Variants in DDX31 observed in about 807,000 individuals in gnomAD.
The protein encoded by DDX31 is DEAD-box helicase 31.
In DDX31, 70 loss-of-function variants were observed where a neutral mutation model predicts 91.3. The observed-to-expected ratio is 0.77, with a 90% CI of 0.63 to 0.94. The LOEUF is 0.94. DDX31 is among the 40% of genes least tolerant of loss of function. The pLI, the probability that DDX31 is intolerant of heterozygous loss-of-function variation, is 0.00. For missense variants in DDX31, 902 were observed against 925.0 expected (o/e 0.98, Z 0.32); for synonymous variants, 362 against 350.6 (o/e 1.03, Z -0.36).
chr9:132,602,331 ACT>A (rs763131853), intron 19 of DDX31, among the ~76,000 whole-genome samples: 13 of 152,146 alleles, frequency 8.5e-5, no homozygotes, highest in East Asian at 1.9e-4. Flanking sequence ...CTCAGGGAAG[ACT>A]CTATGTAGTT....
At chr9:132,647,155 G>A in intron 11 of DDX31, 97 bp from the exon 12 acceptor site, 1 of 1,097,744 alleles carries the variant, frequency 9.1e-7, no homozygotes, top group Non-Finnish European at 1.3e-6. Context: ...ATGTATGTTA[G>A]GACTACGTAT....
At chr9:132,630,207 C>A in intron 16 of DDX31, 57 bp downstream of exon 16, 1 of 1,497,704 alleles carries the variant, frequency 6.7e-7, no homozygotes, top group East Asian at 2.3e-5. Context: ...CTGTAAAAAG[C>A]GACAGAAAGT....
intron 9 of DDX31, 31 bp downstream of exon 9, chr9:132,650,203 A>C (rs748021310): frequency 1.2e-6 from 2 of 1,608,090 alleles, no homozygotes; most frequent in Non-Finnish European, 8.5e-7. Flanking sequence ...ACATTCAAGA[A>C]GGAAACAACA....
rs760739610 is a variant in DDX31 at position 132,646,854 on chromosome 9, C to A, written c.1172G>T (p.Cys391Phe). 6.2e-7 allele frequency: 1 copy of A among 1,614,110 alleles called. No homozygotes were observed. Among genetic ancestry groups the A allele is most frequent in the South Asian group, 1.1e-5 (1 of 91,080 alleles). The change falls in exon 12 of 20, where the codon TGC becomes TTC. Residue 391 changes from cysteine to phenylalanine, a missense_variant. Transcript: ENST00000372159. ...TTTCTGAAGGATGAAGGCCGCTAGG[C>A]AGACAAGCCTCAGTTTGCTGGGAAC... is the stretch of plus-strand genomic sequence containing the variant. The part of the protein sequence containing the change: ...TVVPSKLRLV[C>F]LAAFILQKCK...
In DDX31 at chr9:132,660,567, A is replaced by G. The variant is rs1330031331; in HGVS notation, c.452+641T>C. Among the ~76,000 whole-genome samples, 4 of 152,360 alleles carry G rather than the reference A, an allele frequency of 2.6e-5. No homozygotes were observed. The South Asian group carries it at 6.2e-4, about 24-fold the overall frequency. ...GACATGCTGAAATGTGTGTCTACACATGTATTTTAAAACAAGAAACAAAAG... is the reference window on the plus strand; with the variant it reads ...GACATGCTGAAATGTGTGTCTACACGTGTATTTTAAAACAAGAAACAAAAG... On this transcript the variant is annotated intron_variant, in intron 4 of 19. Coordinates refer to ENST00000372159, the MANE Select transcript of DDX31 (RefSeq NM_022779.9).
At chr9:132,621,798 G>A (rs1287682956) in intron 17 of DDX31, among the ~76,000 whole-genome samples, 1 of 151,998 alleles carries the variant, frequency 6.6e-6, no homozygotes, top group Non-Finnish European at 1.5e-5. Flanking sequence ...ATACTCTCTC[G>A]GGTTGTGTAT....
intron 17 of DDX31, among the ~76,000 whole-genome samples, chr9:132,623,567 A>G (rs1832191928): frequency 2.0e-5 from 3 of 150,498 alleles, no homozygotes; most frequent in Admixed American, 2.0e-4. Flanking sequence ...AAAAAAAAAA[A>G]AGAAAAAAAA....
intron 1 of DDX31, chr9:132,663,390 C>G: frequency 1.0e-6 from 1 of 985,398 alleles, no homozygotes; most frequent in South Asian, 4.7e-5. Context: ...CCTTTCGAGT[C>G]TCTGAGTCCC....
intron 14 of DDX31, chr9:132,637,795 T>C (rs1263069483): frequency 1.0e-6 from 1 of 982,962 alleles, no homozygotes. Context: ...CTCCAAATGA[T>C]CTTTCCATTA....
intron 17 of DDX31, among the ~76,000 whole-genome samples, chr9:132,622,757 C>T (rs1160530428): frequency 6.6e-6 from 1 of 152,224 alleles, no homozygotes; most frequent in Non-Finnish European, 1.5e-5. Context: ...GATTCATGTC[C>T]CTGAGTCTGG....
chr9:132,609,866 C>G (rs1440503586), intron 19 of DDX31, among the ~76,000 whole-genome samples: 1 of 152,132 alleles, frequency 6.6e-6, no homozygotes, highest in Non-Finnish European at 1.5e-5. Context: ...GTGATCCACC[C>G]GCCTCGGCCT....
intron 14 of DDX31, among the ~76,000 whole-genome samples, chr9:132,639,161 G>A (rs1833322998): frequency 6.6e-6 from 1 of 152,064 alleles, no homozygotes; most frequent in Non-Finnish European, 1.5e-5. Context: ...CTATTACAGC[G>A]TGTGTGTCCC....
At chr9:132,645,620 C>T (rs1833780945) in intron 13 of DDX31, among the ~76,000 whole-genome samples, 1 of 152,276 alleles carries the variant, frequency 6.6e-6, no homozygotes, top group Non-Finnish European at 1.5e-5. Flanking sequence ...AGGCCAAGTC[C>T]AGGGCCTGTG....
chr9:132,619,882 T>G (rs12375472), intron 17 of DDX31, among the ~76,000 whole-genome samples: 45,671 of 147,180 alleles, frequency 0.31, 7,125 homozygotes, highest in Middle Eastern at 0.43. Context: ...TTCCCTGTGT[T>G]TTTTTTTTTT....
chr9:132,662,732 G>A (rs1341559650), intron 1 of DDX31, 37 bp from the exon 2 acceptor site: 1 of 1,611,952 alleles, frequency 6.2e-7, no homozygotes, highest in South Asian at 1.1e-5. Context: ...AACAAGAGAT[G>A]CATTAGTCCA....
At chr9:132,663,100 G>A in intron 1 of DDX31, 2 of 1,097,420 alleles carry the variant, frequency 1.8e-6, no homozygotes, top group Non-Finnish European at 2.5e-6. Context: ...GGAGAAAAGA[G>A]GGGTGGGGGA....
intron 18 of DDX31, among the ~76,000 whole-genome samples, chr9:132,615,748 G>A (rs919580961): frequency 2.6e-5 from 4 of 152,172 alleles, no homozygotes; most frequent in South Asian, 4.1e-4. Context: ...GTTACCACTC[G>A]TTTTACAACT....
In DDX31 at chr9:132,612,269, G is replaced by C. The variant is rs1013663647; in HGVS notation, c.1826-14C>G. The C allele has an allele frequency of 1.2e-6, 2 of 1,613,958 alleles. No individual in the cohort carries two copies. The highest frequency in any genetic ancestry group is 1.7e-6 in the Non-Finnish European group (2 of 1,180,008). ...AGGACTGCAGAGCTGAAAGAAAAGAGAGCGGGGAGGGAAGCTGTCAGGACC... is the reference window on the plus strand; with the variant it reads ...AGGACTGCAGAGCTGAAAGAAAAGACAGCGGGGAGGGAAGCTGTCAGGACC... On this transcript the variant is annotated splice_polypyrimidine_tract_variant and intron_variant, in intron 18 of 19. Coordinates refer to ENST00000372159, the MANE Select transcript of DDX31 (RefSeq NM_022779.9).
At chr9:132,661,177 T>G in intron 4 of DDX31, 31 bp downstream of exon 4, 1 of 1,600,642 alleles carries the variant, frequency 6.2e-7, no homozygotes, top group South Asian at 1.1e-5. Context: ...ACGTAATGCC[T>G]AAGAAATCAA....
Sources: allele counts gnomAD v4.1 joint callset (sites outside exome capture counted in the v4.1 genomes callset), GRCh38; gene constraint gnomAD v4.1.1; transcripts MANE v1.5; gene names NCBI Gene and HGNC (gene_info 2026-07-23, HGNC 2026-07-21).